TMPRSS7: variants seen among roughly 807,000 people sequenced by gnomAD.
The protein encoded by TMPRSS7 is transmembrane protease serine 7.
A neutral mutation model predicts 95.6 loss-of-function variants in TMPRSS7; 81 were observed. The ratio of observed to expected loss-of-function variants is 0.85; its 90% CI spans 0.71 to 1.02. The LOEUF (loss-of-function observed/expected upper bound fraction) is 1.02, where lower values mean the gene tolerates loss of function less well. Ranked by LOEUF, TMPRSS7 falls within the 50% of genes least tolerant of loss-of-function variation. TMPRSS7 has a pLI of 0.00. For missense variants in TMPRSS7, 945 were observed against 955.2 expected (o/e 0.99, Z 0.14); for synonymous variants, 364 against 337.8 (o/e 1.08, Z -0.85).
At chr3:112,076,063 G>T (rs1363993184) in intron 15 of TMPRSS7, among the ~76,000 whole-genome samples, 1 of 152,110 alleles carries the variant, frequency 6.6e-6, no homozygotes, top group Non-Finnish European at 1.5e-5. Flanking sequence ...CTTCACATCT[G>T]TTTGATCATG....
In TMPRSS7 at chr3:112,038,136, T is replaced by TCCACC. The variant is rs1294050238; in HGVS notation, c.113_114insCCACC (p.Leu38PhefsTer52). ...AAGCTGCCAGTGAGACGACCACCGT[T>TCCACC]GCCAGGGAGACGACTACCATTGCCA... On this transcript the variant is annotated frameshift_variant, in exon 2 of 18. Coordinates refer to ENST00000452346, the Ensembl canonical transcript of TMPRSS7. LOFTEE classifies it high-confidence loss of function. 2.8e-6 allele frequency: 2 copies of TCCACC among 702,816 alleles called. No individual in the cohort carries two copies. The highest frequency in any genetic ancestry group is 5.2e-6 in the Non-Finnish European group (2 of 384,928). The allele number at this position is 702,816 out of a possible 1,614,324, so 43.5% of individuals were successfully genotyped here. A position where few individuals can be genotyped will look rare whatever the true frequency, so the allele number is the denominator to read the frequency against.
chr3:112,053,184 T>TAAA (rs62899560), intron 9 of TMPRSS7, among the ~76,000 whole-genome samples: 13 of 148,286 alleles, frequency 8.8e-5, no homozygotes, highest in African/African-American at 3.2e-4. Flanking sequence ...TTGAATTTAT[T>TAAA]AAAAAAAAAA....
intron 4 of TMPRSS7, among the ~76,000 whole-genome samples, chr3:112,045,490 A>G (rs551789465): frequency 6.6e-6 from 1 of 152,376 alleles, no homozygotes; most frequent in South Asian, 2.1e-4. Context: ...ATTGATATCC[A>G]TAGAAATAGC....
At chr3:112,041,433 T>C (rs1050739092) in intron 2 of TMPRSS7, among the ~76,000 whole-genome samples, 1 of 152,192 alleles carries the variant, frequency 6.6e-6, no homozygotes, top group African/African-American at 2.4e-5. Context: ...ATATTCTCTC[T>C]CTCTCTTTCT....
intron 5 of TMPRSS7, 87 bp downstream of exon 5, chr3:112,046,030 A>G (rs2073274566): frequency 3.4e-6 from 4 of 1,190,116 alleles, no homozygotes; most frequent in Middle Eastern, 2.8e-4. Context: ...GTAATGAAGC[A>G]TTACAATGTG....
intron 6 of TMPRSS7, among the ~76,000 whole-genome samples, chr3:112,047,243 A>C (rs534469651): frequency 6.6e-6 from 1 of 152,334 alleles, no homozygotes; most frequent in South Asian, 2.1e-4. Flanking sequence ...TAAAAATATC[A>C]TCAGAACTCT....
chr3:112,070,774 C>CTTT, intron 13 of TMPRSS7, among the ~76,000 whole-genome samples: 1 of 151,712 alleles, frequency 6.6e-6, no homozygotes, highest in African/African-American at 2.4e-5. Context: ...GGTCTTGACT[C>CTTT]TTTTATTATT....
At chr3:112,057,718 T>C (rs2073449171) in intron 10 of TMPRSS7, among the ~76,000 whole-genome samples, 1 of 152,134 alleles carries the variant, frequency 6.6e-6, no homozygotes, top group African/African-American at 2.4e-5. Context: ...TTGTTTTTTG[T>C]TTTGGTTTTT....
At chr3:112,076,229 A>G (rs748271223) in intron 15 of TMPRSS7, among the ~76,000 whole-genome samples, 5 of 152,138 alleles carry the variant, frequency 3.3e-5, no homozygotes, top group Non-Finnish European at 7.4e-5. Context: ...CCCCACTGCT[A>G]TGCTGATGGA....
rs1228038538 is a variant in TMPRSS7 at position 112,044,331 on chromosome 3, T to C, written c.497+9T>C. On this transcript the variant is annotated intron_variant, in intron 4 of 17. Coordinates refer to ENST00000452346, the Ensembl canonical transcript of TMPRSS7. ...GTTGTTGCAGATGTCAGGTAATGCA[T>C]GTCCCTTGTTTTGAGATTTCTGTGT... The C allele has an allele frequency of 1.3e-5, 20 of 1,549,404 alleles. No individual in the cohort carries two copies. Among genetic ancestry groups the C allele is most frequent in the Non-Finnish European group, 1.7e-5 (19 of 1,145,196 alleles).
intron 5 of TMPRSS7, 78 bp downstream of exon 5, chr3:112,046,021 T>C (rs1240692728): frequency 1.5e-5 from 19 of 1,245,000 alleles, no homozygotes; most frequent in Admixed American, 2.5e-5. Context: ...GTCAACATTG[T>C]AATGAAGCAT....
chr3:112,071,322 G>A lies in TMPRSS7; in HGVS notation c.1667-2974G>A, dbSNP rs1311629432. Among the ~76,000 whole-genome samples the A allele has an allele frequency of 3.3e-5, 5 of 152,348 alleles. No homozygotes were observed. In the East Asian group the frequency reaches 7.7e-4, roughly 24 times the overall value. ...GTTTCTGCCGAGAGATCCGCTGTTA[G>A]TTTGATGGGCTTCCCTTTGTGGGTA... On this transcript the variant is annotated intron_variant, in intron 13 of 17. Coordinates refer to ENST00000452346, the Ensembl canonical transcript of TMPRSS7.
At chr3:112,050,901 T>C in intron 9 of TMPRSS7, 118 bp downstream of exon 9, 2 of 536,236 alleles carry the variant, frequency 3.7e-6, no homozygotes, top group South Asian at 3.4e-5. Flanking sequence ...ATTTCAGTAT[T>C]ATTGAAATAT....
intron 9 of TMPRSS7, among the ~76,000 whole-genome samples, chr3:112,055,352 T>A (rs2073419595): frequency 6.6e-6 from 1 of 151,944 alleles, no homozygotes; most frequent in Non-Finnish European, 1.5e-5. Context: ...GATGTTTAAG[T>A]GAGAAACATA....
chr3:112,049,863 A>G (rs1202521659), exon 8 of TMPRSS7: 1 of 1,533,778 alleles, frequency 6.5e-7, no homozygotes, highest in Admixed American at 1.8e-5. Flanking sequence ...ACCCACAAGA[A>G]CATTAATGTC....
chr3:112,041,605 C>T (rs368247687), intron 2 of TMPRSS7, among the ~76,000 whole-genome samples: 2 of 152,110 alleles, frequency 1.3e-5, no homozygotes, highest in East Asian at 3.9e-4. Context: ...ATAAAGGAGA[C>T]AGAGAGAAAT....
chr3:112,044,165 G>T, intron 3 of TMPRSS7, 90 bp from the exon 4 acceptor site: 2 of 830,332 alleles, frequency 2.4e-6, no homozygotes, highest in Non-Finnish European at 3.9e-6. Flanking sequence ...CTTCTTGCTG[G>T]CTGTCAGAGC....
chr3:112,049,055 C>T (rs1232233638), intron 7 of TMPRSS7, among the ~76,000 whole-genome samples: 1 of 152,198 alleles, frequency 6.6e-6, no homozygotes, highest in Non-Finnish European at 1.5e-5. Flanking sequence ...TACAACCCTG[C>T]CGCTTCCGCC....
chr3:112,054,178 C>T (rs2073401629), intron 9 of TMPRSS7, among the ~76,000 whole-genome samples: 1 of 152,304 alleles, frequency 6.6e-6, no homozygotes. Flanking sequence ...TGTGTACACA[C>T]CACCACTGGC....
Sources: allele counts gnomAD v4.1 joint callset (sites outside exome capture counted in the v4.1 genomes callset), GRCh38; gene constraint gnomAD v4.1.1; transcripts MANE v1.5; gene names NCBI Gene and HGNC (gene_info 2026-07-23, HGNC 2026-07-21).